The following DNAJB12 variants were observed in gnomAD, a reference collection of about 807,000 sequenced individuals.
DNAJB12 encodes dnaJ homolog subfamily B member 12.
DNAJB12 carries 14 observed loss-of-function variants against 40.6 expected under a neutral mutation model. The observed-to-expected ratio is 0.34, with a 90% CI of 0.23 to 0.54. The LOEUF is 0.54. Among genes scored for constraint, DNAJB12 ranks in the 20% least tolerant of loss-of-function variants. The pLI, the probability that DNAJB12 is intolerant of heterozygous loss-of-function variation, is 0.92. For missense variants in DNAJB12, 444 were observed against 501.7 expected, an observed-to-expected ratio of 0.89 and a Z score of 1.10; for synonymous variants, 181 against 199.5, an observed-to-expected ratio of 0.91 and a Z score of 0.78.
chr10:72,350,472 G>C (rs1202978358), intron 1 of DNAJB12, among the ~76,000 whole-genome samples: 1 of 151,472 alleles, frequency 6.6e-6, no homozygotes, highest in Admixed American at 6.6e-5. Flanking sequence ...TTGCTAGAAG[G>C]GTCATCTTGG....
At chr10:72,336,272 G>A (rs546496594) in intron 7 of DNAJB12, among the ~76,000 whole-genome samples, 49 of 152,318 alleles carry the variant, frequency 3.2e-4, no homozygotes, top group African/African-American at 1.1e-3. Flanking sequence ...CTCACCTCTG[G>A]CAGCCAACAT....
At chr10:72,350,381 AGAGT>A (rs1861903454) in intron 1 of DNAJB12, among the ~76,000 whole-genome samples, 1 of 140,542 alleles carries the variant, frequency 7.1e-6, no homozygotes, top group African/African-American at 2.7e-5. Context: ...CCTGGGCAAC[AGAGT>A]GAGACCCTGT....
In DNAJB12 at chr10:72,332,985, G is replaced by C. The variant is rs1236921132; in HGVS notation, c.*1663C>G. The C allele has an allele frequency of 6.5e-6, 1 of 152,692 alleles. No individual in the cohort carries two copies. The highest frequency in any genetic ancestry group is 1.9e-4 in the East Asian group (1 of 5,210). The allele number at this position is 152,692 out of a possible 1,614,324, so 9.5% of individuals were successfully genotyped here. A position where few individuals can be genotyped will look rare whatever the true frequency, so the allele number is the denominator to read the frequency against. On this transcript the variant is annotated 3_prime_UTR_variant, in exon 9 of 9. Coordinates refer to ENST00000444643, the MANE Select transcript of DNAJB12 (RefSeq NM_017626.7). Reference sequence around the variant, plus strand: ...TACCAAGACCAGATGGTCGGGGCGTGGGGGCAGAGCACCGGGGCCACAGTG... The same window carrying C: ...TACCAAGACCAGATGGTCGGGGCGTCGGGGCAGAGCACCGGGGCCACAGTG...
In DNAJB12 at chr10:72,343,361, C is replaced by A; in HGVS notation, c.457+5G>T. On this transcript the variant is annotated splice_donor_5th_base_variant and intron_variant, in intron 3 of 8. Coordinates refer to ENST00000444643, the MANE Select transcript of DNAJB12 (RefSeq NM_017626.7). Reference sequence around the variant, plus strand: ...CAAAATGCTAGGAAAGCAGGGCTGGCTTACCTTTGAAGGCTTCAGTGGCAC... The same window carrying A: ...CAAAATGCTAGGAAAGCAGGGCTGGATTACCTTTGAAGGCTTCAGTGGCAC... 2 of 1,612,304 alleles carry A rather than the reference C, an allele frequency of 1.2e-6. No homozygotes were observed. Among genetic ancestry groups the A allele is most frequent in the Non-Finnish European group, 1.7e-6 (2 of 1,179,130 alleles).
Position 72,333,980 on chromosome 10 carries a change from T to TA in DNAJB12, c.*667dup, listed in dbSNP as rs1564815758. ...TGAAAAGCTCTGATGCGACTCTCCT[T>TA]ATGCTGTCAGCTACAGCTAATGTCT... On this transcript the variant is annotated 3_prime_UTR_variant, in exon 9 of 9. Transcript: ENST00000444643. 1 of 153,612 alleles carries TA rather than the reference T, an allele frequency of 6.5e-6. No homozygotes were observed. Among genetic ancestry groups the TA allele is most frequent in the Non-Finnish European group, 1.5e-5 (1 of 68,642 alleles). 9.5% of individuals were successfully genotyped at this position (153,612 alleles called of 1,614,324 possible). A position where few individuals can be genotyped will look rare whatever the true frequency, so the allele number is the denominator to read the frequency against.
chr10:72,338,087 T>TA, intron 6 of DNAJB12, 115 bp downstream of exon 6: 2 of 843,050 alleles, frequency 2.4e-6, no homozygotes, highest in Non-Finnish European at 3.9e-6. Flanking sequence ...CGAAGCCAGG[T>TA]TTCTGCATTA....
At chr10:72,337,360 A>C (rs1861506486) in intron 6 of DNAJB12, among the ~76,000 whole-genome samples, 1 of 152,196 alleles carries the variant, frequency 6.6e-6, no homozygotes, top group South Asian at 2.1e-4. Context: ...GGGTCCTGCC[A>C]GCTCCCAGCC....
rs995154224 is a variant in DNAJB12 at position 72,334,322 on chromosome 10, A to G, written c.*326T>C. 1 of 488,736 alleles carries G rather than the reference A, an allele frequency of 2.0e-6. No homozygotes were observed. The highest frequency in any genetic ancestry group is 3.6e-6 in the Non-Finnish European group (1 of 280,020). The allele number at this position is 488,736 out of a possible 1,614,324, so 30.3% of individuals were successfully genotyped here. ...GGTGCCCCCTCCCCCAGCCCTTCCCACTGATATCTGCTGCGAGTTTTACAT... is the reference window on the plus strand; with the variant it reads ...GGTGCCCCCTCCCCCAGCCCTTCCCGCTGATATCTGCTGCGAGTTTTACAT... On this transcript the variant is annotated 3_prime_UTR_variant, in exon 9 of 9. Coordinates refer to ENST00000444643, the MANE Select transcript of DNAJB12 (RefSeq NM_017626.7).
Position 72,345,718 on chromosome 10 carries a change from C to CAA in DNAJB12, c.134-593_134-592dup, listed in dbSNP as rs201701636. The stretch of plus-strand genomic sequence containing the variant: ...TGAAACTCCATCTCTACTAAAAATA[C>CAA]AAAAAAAAAAACCCCAAAAGACATT... On this transcript the variant is annotated intron_variant, in intron 1 of 8. Transcript: ENST00000444643. Among the ~76,000 whole-genome samples the CAA allele has an allele frequency of 2.1e-5, 3 of 140,626 alleles. No homozygotes were observed. The East Asian group carries it at 6.1e-4, about 28-fold the overall frequency. 92.3% of individuals were successfully genotyped at this position (140,626 alleles called of 152,430 possible). A position where few individuals can be genotyped will look rare whatever the true frequency, so the allele number is the denominator to read the frequency against.
In DNAJB12 at chr10:72,347,191, C is replaced by T. The variant is rs369501700; in HGVS notation, c.134-2064G>A. 2.3e-3 allele frequency among the ~76,000 whole-genome samples: 348 copies of T among 152,260 alleles called. 3 individuals are homozygous for T. Among genetic ancestry groups the T allele is most frequent in the African/African-American group, 8.1e-3 (337 of 41,564 alleles). ...GGCCAGGCTGGTTTCGAACTCCTGA[C>T]CTCAAGTGATCCGCCTGCCTTGGCC... On this transcript the variant is annotated intron_variant, in intron 1 of 8. Transcript: ENST00000444643.
chr10:72,334,908 G>A (rs1158892402), intron 8 of DNAJB12: 44 of 1,237,420 alleles, frequency 3.6e-5, no homozygotes, highest in East Asian at 7.3e-5. Flanking sequence ...ACACTTCTCT[G>A]GGCTTGGCTG....
Position 72,340,966 on chromosome 10 carries a change from G to A in DNAJB12, c.643+19C>T, listed in dbSNP as rs1476953997. 3 of 1,611,866 alleles carry A rather than the reference G, an allele frequency of 1.9e-6. No homozygotes were observed. The Admixed American group carries it at 5.0e-5, about 27-fold the overall frequency. Reference sequence around the variant, plus strand: ...ATCACCCCAGGGATACCTGGCTGTGGGGAGGGTGGGGAACTTACTAGAAGG... The same window carrying A: ...ATCACCCCAGGGATACCTGGCTGTGAGGAGGGTGGGGAACTTACTAGAAGG... On this transcript the variant is annotated intron_variant, in intron 4 of 8. Transcript: ENST00000444643.
chr10:72,347,043 C>T (rs1009302605), intron 1 of DNAJB12, among the ~76,000 whole-genome samples: 3 of 151,822 alleles, frequency 2.0e-5, no homozygotes, highest in Admixed American at 6.6e-5. Context: ...CAGCTCACTG[C>T]AACCTCTGCC....
intron 1 of DNAJB12, among the ~76,000 whole-genome samples, chr10:72,352,823 G>T (rs1441484993): frequency 6.6e-6 from 1 of 152,186 alleles, no homozygotes; most frequent in Non-Finnish European, 1.5e-5. Flanking sequence ...CTGCTGCATT[G>T]AATGAGCATC....
At position 72,338,322 on chromosome 10, in the gene DNAJB12, G is replaced by A. The variant is rs1861535849; in HGVS notation, c.724-11C>T. On this transcript the variant is annotated splice_polypyrimidine_tract_variant and intron_variant, in intron 5 of 8. Transcript: ENST00000444643. ...CACCCCTAGCCCGCCCTGGAGGGAAGAGCCAATGTCACTCTGCTGGACCTG... is the reference window on the plus strand; with the variant it reads ...CACCCCTAGCCCGCCCTGGAGGGAAAAGCCAATGTCACTCTGCTGGACCTG... 6.2e-7 allele frequency: 1 copy of A among 1,612,914 alleles called. No individual in the cohort carries two copies. The highest frequency in any genetic ancestry group is 8.5e-7 in the Non-Finnish European group (1 of 1,179,006).
At chr10:72,336,757 G>A (rs1411124223) in intron 6 of DNAJB12, 61 bp from the exon 7 acceptor site, 30 of 1,483,418 alleles carry the variant, frequency 2.0e-5, no homozygotes, top group Non-Finnish European at 2.2e-5. Flanking sequence ...CACTCTAGGG[G>A]TATGGGCCCC....
intron 8 of DNAJB12, chr10:72,334,905 T>G: frequency 8.0e-7 from 1 of 1,257,186 alleles, no homozygotes; most frequent in South Asian, 2.7e-5. Context: ...CCCACACTTC[T>G]CTGGGCTTGG....
chr10:72,343,240 G>A (rs1861686154), intron 3 of DNAJB12, 126 bp downstream of exon 3: 3 of 1,238,570 alleles, frequency 2.4e-6, no homozygotes, highest in East Asian at 5.1e-5. Context: ...CCAAGCCTGG[G>A]CAACTTGGGC....
At position 72,335,727 on chromosome 10, in the gene DNAJB12, A is replaced by C. The variant is rs1861453242; in HGVS notation, c.*30+53T>G. The C allele has an allele frequency of 6.3e-7, 1 of 1,584,620 alleles. No homozygotes were observed. ...TCTCCCCCTCCCTCCTCTGCTCATGACCAGGGCCAAAGCTGCCAGGAGTTG... is the reference window on the plus strand; with the variant it reads ...TCTCCCCCTCCCTCCTCTGCTCATGCCCAGGGCCAAAGCTGCCAGGAGTTG... On this transcript the variant is annotated intron_variant, in intron 8 of 8. Coordinates refer to ENST00000444643, the MANE Select transcript of DNAJB12 (RefSeq NM_017626.7). This position sits in a 1 kb window ranked among gnomAD's most constrained non-coding sequence, Gnocchi z 4.4.
Sources: allele counts gnomAD v4.1 joint callset (sites outside exome capture counted in the v4.1 genomes callset), GRCh38; gene constraint gnomAD v4.1.1; non-coding constraint Gnocchi (gnomAD v3.1); transcripts MANE v1.5; gene names NCBI Gene and HGNC (gene_info 2026-07-23, HGNC 2026-07-21).